Variants in HS3ST4 observed in about 807,000 individuals in gnomAD.
HS3ST4 encodes heparan sulfate glucosamine 3-O-sulfotransferase 4.
In HS3ST4, 17 loss-of-function variants were observed where a neutral mutation model predicts 29.2. That is an observed-to-expected ratio of 0.58 (90% CI 0.40 to 0.87). HS3ST4 has a LOEUF of 0.87. HS3ST4 is among the 40% of genes least tolerant of loss of function. HS3ST4 has a pLI of 0.00. For synonymous variants in HS3ST4, 314 were observed against 285.7 expected (o/e 1.10, Z -1.00); for missense variants, 627 against 634.5 (o/e 0.99, Z 0.13).
intron 1 of HS3ST4, among the ~76,000 whole-genome samples, chr16:25,802,925 ATATGTGTGTGTGTG>A (rs1192637391): frequency 2.1e-4 from 28 of 131,448 alleles, no homozygotes; most frequent in Admixed American, 1.2e-3. Flanking sequence ...TTTAAGTTAT[ATATGTGTGTGTGTG>A]TGTGTGTGTG....
At chr16:25,920,989 A>G (rs1968345939) in intron 1 of HS3ST4, among the ~76,000 whole-genome samples, 1 of 152,116 alleles carries the variant, frequency 6.6e-6, no homozygotes, top group Non-Finnish European at 1.5e-5. Flanking sequence ...CTAAAATTGT[A>G]ACCCACTCCT....
At chr16:25,751,823 G>T (rs1966722610) in intron 1 of HS3ST4, among the ~76,000 whole-genome samples, 1 of 152,154 alleles carries the variant, frequency 6.6e-6, no homozygotes. Context: ...TTTGCTTGCT[G>T]GAAGGTACAA....
At chr16:25,699,624 A>G (rs1966321443) in intron 1 of HS3ST4, among the ~76,000 whole-genome samples, 1 of 152,214 alleles carries the variant, frequency 6.6e-6, no homozygotes, top group Non-Finnish European at 1.5e-5. Context: ...TTCTTAGGTG[A>G]TGAAGGTATT....
chr16:26,044,148 C>T (rs754737509), intron 1 of HS3ST4, among the ~76,000 whole-genome samples: 23 of 152,186 alleles, frequency 1.5e-4, no homozygotes, highest in Non-Finnish European at 2.2e-4. Flanking sequence ...TTCACTGCGT[C>T]GTGTGGATAA....
intron 1 of HS3ST4, among the ~76,000 whole-genome samples, chr16:25,792,038 A>G (rs1244691975): frequency 6.6e-6 from 1 of 152,028 alleles, no homozygotes; most frequent in African/African-American, 2.4e-5. Context: ...ATTTCATTTC[A>G]TAAACAATTT....
chr16:25,814,801 G>A, intron 1 of HS3ST4, among the ~76,000 whole-genome samples: 1 of 152,240 alleles, frequency 6.6e-6, no homozygotes, highest in South Asian at 2.1e-4. Flanking sequence ...TGGTTGTGGA[G>A]TAAATGAATG....
At chr16:25,999,894 A>ATT (rs1330505734) in intron 1 of HS3ST4, among the ~76,000 whole-genome samples, 6,273 of 103,694 alleles carry the variant, frequency 0.06, 172 homozygotes, top group Middle Eastern at 0.085. Flanking sequence ...ATATATATAT[A>ATT]TTTTATATAT....
intron 1 of HS3ST4, among the ~76,000 whole-genome samples, chr16:26,130,952 G>C (rs1048094711): frequency 4.6e-5 from 7 of 152,120 alleles, no homozygotes; most frequent in African/African-American, 1.7e-4. Context: ...AAATTGACTT[G>C]GTATCTTCCC....
chr16:25,963,797 A>C (rs1968816598), intron 1 of HS3ST4, among the ~76,000 whole-genome samples: 1 of 152,226 alleles, frequency 6.6e-6, no homozygotes, highest in South Asian at 2.1e-4. Context: ...CGAGCTGGCC[A>C]GGAGATGTGG....
chr16:26,033,097 G>C (rs1414775548), intron 1 of HS3ST4, among the ~76,000 whole-genome samples: 1 of 152,162 alleles, frequency 6.6e-6, no homozygotes, highest in Non-Finnish European at 1.5e-5. Context: ...GAACACAGGT[G>C]GCCGGGTGCA....
chr16:25,883,807 T>G (rs1216760814), intron 1 of HS3ST4, among the ~76,000 whole-genome samples: 1 of 152,194 alleles, frequency 6.6e-6, no homozygotes, highest in African/African-American at 2.4e-5. Context: ...TATTATTAAC[T>G]AGTGATGCTA....
intron 1 of HS3ST4, among the ~76,000 whole-genome samples, chr16:25,708,283 T>C (rs926327078): frequency 2.0e-5 from 3 of 152,238 alleles, no homozygotes; most frequent in African/African-American, 7.2e-5. Flanking sequence ...ACCCTGCATA[T>C]TTTGTTCTTA....
intron 1 of HS3ST4, among the ~76,000 whole-genome samples, chr16:25,693,425 C>A (rs1368515984): frequency 6.6e-6 from 1 of 152,154 alleles, no homozygotes; most frequent in East Asian, 1.9e-4. Flanking sequence ...CTGAATCTGC[C>A]CAGCTCCAAG....
intron 1 of HS3ST4, among the ~76,000 whole-genome samples, chr16:26,098,023 A>T (rs921190844): frequency 1.3e-5 from 2 of 152,204 alleles, no homozygotes; most frequent in Admixed American, 1.3e-4. Flanking sequence ...GCAAATCAAA[A>T]CCACAATGAG....
At position 26,029,840 on chromosome 16, in the gene HS3ST4, C is replaced by T. The variant is rs542881040; in HGVS notation, c.735-105772C>T. On this transcript the variant is annotated intron_variant, in intron 1 of 1. Transcript: ENST00000331351. ...CTGGTCATTCACCACCATTTCCACA[C>T]GCAGTGTCAAAAGAAGTGAGTTATC... Among the ~76,000 whole-genome samples, 24 of 152,334 alleles carry T rather than the reference C, an allele frequency of 1.6e-4. No individual in the cohort carries two copies. The South Asian group carries it at 4.1e-3, about 26-fold the overall frequency.
At chr16:26,065,369 A>AGGACAGAAAACCAAATACCATAT in intron 1 of HS3ST4, among the ~76,000 whole-genome samples, 1 of 152,364 alleles carries the variant, frequency 6.6e-6, no homozygotes, top group African/African-American at 2.4e-5. Flanking sequence ...AAACTAACAC[A>AGGACAGAAAACCAAATACCATAT]GGACAGAAAA....
intron 1 of HS3ST4, among the ~76,000 whole-genome samples, chr16:25,811,437 T>C (rs148114223): frequency 0.21 from 50 of 242 alleles, no homozygotes; most frequent in East Asian, 0.5. Flanking sequence ...TTTTTTTTTC[T>C]TTTTTTTTTT....
intron 1 of HS3ST4, among the ~76,000 whole-genome samples, chr16:25,749,077 A>G (rs910413617): frequency 5.3e-5 from 8 of 152,248 alleles, no homozygotes; most frequent in Non-Finnish European, 1.2e-4. Context: ...TCTATTAATT[A>G]TCAGACTCTT....
intron 1 of HS3ST4, among the ~76,000 whole-genome samples, chr16:25,770,449 A>G (rs16975201): frequency 0.021 from 3,165 of 152,330 alleles, 55 homozygotes; most frequent in Non-Finnish European, 0.033. Flanking sequence ...AGATCGAAAG[A>G]CTAACACACA....
Sources: gnomAD v4.1 joint callset for allele counts (sites outside exome capture counted in the v4.1 genomes callset) on GRCh38, gnomAD v4.1.1 for gene constraint, MANE v1.5 for transcripts, NCBI Gene and HGNC (gene_info 2026-07-23, HGNC 2026-07-21) for gene names.